The following BST1 variants were observed in gnomAD, a reference collection of about 807,000 sequenced individuals.
The protein encoded by BST1 is bone marrow stromal cell antigen 1.
Under a neutral mutation model 40.6 loss-of-function variants are expected in BST1, and 49 were observed. That is an observed-to-expected ratio of 1.21 (90% CI 0.96 to 1.53). BST1 has a LOEUF of 1.53. BST1 is among the 40% of genes most tolerant of loss of function. BST1 has a pLI of 0.00. For synonymous variants in BST1, 157 were observed against 159.3 expected (o/e 0.99, Z 0.11); for missense variants, 423 against 395.9 (o/e 1.07, Z -0.58).
the BST1 span, among the ~76,000 whole-genome samples, chr4:15,761,274 T>C: frequency 2.0e-5 from 3 of 151,920 alleles, no homozygotes; most frequent in African/African-American, 7.3e-5. Flanking sequence ...AAATTGGCAA[T>C]TGCTGTTTGT....
At chr4:15,772,614 G>A in the BST1 span, among the ~76,000 whole-genome samples, 4 of 152,232 alleles carry the variant, frequency 2.6e-5, no homozygotes, top group Non-Finnish European at 5.9e-5. Flanking sequence ...CAGAGCCTCT[G>A]AGATGGGTAT....
chr4:15,730,984 C>G, intron 8 of BST1: 1 of 514,350 alleles, frequency 1.9e-6, no homozygotes, highest in South Asian at 2.4e-5. Flanking sequence ...CTGGGGCTTG[C>G]CTATGGTGCT....
At chr4:15,745,964 C>T in the BST1 span, among the ~76,000 whole-genome samples, 1 of 152,186 alleles carries the variant, frequency 6.6e-6, no homozygotes, top group Non-Finnish European at 1.5e-5. Context: ...GGTTAAGGTT[C>T]TTTTAGACTA....
At chr4:15,705,288 A>T (rs1719816481) in intron 1 of BST1, among the ~76,000 whole-genome samples, 1 of 151,940 alleles carries the variant, frequency 6.6e-6, no homozygotes, top group Non-Finnish European at 1.5e-5. Context: ...GCAAGGCTGT[A>T]TTCCTTAGCT....
chr4:15,770,319 G>A, the BST1 span, among the ~76,000 whole-genome samples: 12 of 152,196 alleles, frequency 7.9e-5, no homozygotes, highest in South Asian at 2.1e-4. Flanking sequence ...TCTCCCCGCC[G>A]TTCTGTTTAT....
At chr4:15,705,173 A>G (rs1719808206) in intron 1 of BST1, among the ~76,000 whole-genome samples, 1 of 151,854 alleles carries the variant, frequency 6.6e-6, no homozygotes, top group South Asian at 2.1e-4. Flanking sequence ...GGACTATGAG[A>G]CTGGCCCCAC....
chr4:15,752,787 G>A, the BST1 span, among the ~76,000 whole-genome samples: 1 of 152,122 alleles, frequency 6.6e-6, no homozygotes, highest in Non-Finnish European at 1.5e-5. Flanking sequence ...GAAGAAAATA[G>A]GCCAGATCAG....
downstream of BST1, chr4:15,736,055 C>T: frequency 7.8e-7 from 1 of 1,286,850 alleles, no homozygotes; most frequent in South Asian, 1.2e-5. Context: ...ATTTATAGAC[C>T]CAAGAGGCTA....
downstream of BST1, among the ~76,000 whole-genome samples, chr4:15,741,578 G>A (rs1721744654): frequency 6.6e-6 from 1 of 152,160 alleles, no homozygotes; most frequent in Non-Finnish European, 1.5e-5. Context: ...GCCCATAGCA[G>A]GGGCCCATTC....
chr4:15,704,774 C>A (rs1297745174), intron 1 of BST1: 1 of 646,484 alleles, frequency 1.5e-6, no homozygotes. Flanking sequence ...AATTTCAGAT[C>A]CCCTAAATCT....
intron 6 of BST1, among the ~76,000 whole-genome samples, chr4:15,716,620 A>G (rs564236198): frequency 3.3e-4 from 50 of 152,342 alleles, no homozygotes; most frequent in African/African-American, 1.1e-3. Flanking sequence ...CCCGTCTCTT[A>G]GGCAATAGAT....
Position 15,721,220 on chromosome 4 carries a change from ACTC to A in BST1, c.792-1652_792-1650del, listed in dbSNP as rs1178249481. Among the ~76,000 whole-genome samples the A allele has an allele frequency of 2.0e-5, 3 of 151,824 alleles. No individual in the cohort carries two copies. In the East Asian group the frequency reaches 5.8e-4, roughly 29 times the overall value. On this transcript the variant is annotated intron_variant, in intron 7 of 8. Transcript: ENST00000265016. ...TCCAACTCCAACCCAGATGTGAGAA[ACTC>A]CTGCCCCTCACAATTCAGGTGGCAT... is the stretch of plus-strand genomic sequence containing the variant.
At chr4:15,740,675 T>C (rs908766961), downstream of BST1, among the ~76,000 whole-genome samples, 2 of 152,136 alleles carry the variant, frequency 1.3e-5, no homozygotes, top group African/African-American at 4.8e-5. Context: ...ATAACAAATA[T>C]TTGACAGCAG....
At chr4:15,755,985 G>A in the BST1 span, among the ~76,000 whole-genome samples, 40 of 152,242 alleles carry the variant, frequency 2.6e-4, no homozygotes, top group Middle Eastern at 3.4e-3. Flanking sequence ...TGATGTTAAG[G>A]TTCTCAAGGT....
At chr4:15,718,550 G>A (rs1000094008) in intron 6 of BST1, among the ~76,000 whole-genome samples, 2 of 152,132 alleles carry the variant, frequency 1.3e-5, no homozygotes, top group African/African-American at 4.8e-5. Flanking sequence ...AGTGTAGGGT[G>A]AACAAATTGG....
chr4:15,715,183 T>A (rs1012213829), intron 4 of BST1, 102 bp from the exon 5 acceptor site: 4 of 1,050,206 alleles, frequency 3.8e-6, no homozygotes, highest in Non-Finnish European at 5.7e-6. Flanking sequence ...ATTTATCATA[T>A]CCTTGCCATT....
At chr4:15,722,214 T>G (rs1720845575) in intron 7 of BST1, among the ~76,000 whole-genome samples, 1 of 152,228 alleles carries the variant, frequency 6.6e-6, no homozygotes, top group South Asian at 2.1e-4. Flanking sequence ...GGCCCTAGAG[T>G]CAGCCTGCAT....
At position 15,711,881 on chromosome 4, in the gene BST1, T is replaced by C; in HGVS notation, c.526T>C (p.Ser176Pro). ...NPVDSFWKRASIQYSKDSSGV... is the reference protein window; with the variant it reads ...NPVDSFWKRAPIQYSKDSSGV... ...TGTGGATTCCTTTTGGAAAAGGGCA[T>C]CCATCCAGGTAATGCTGGGATGATA... The change falls in exon 4 of 9, where the codon TCC becomes CCC. Residue 176 changes from serine (S) to proline (P), a missense_variant. Coordinates refer to ENST00000265016, the MANE Select transcript of BST1 (RefSeq NM_004334.3). 1 of 1,613,240 alleles carries C rather than the reference T, an allele frequency of 6.2e-7. No homozygotes were observed. Among genetic ancestry groups the C allele is most frequent in the Non-Finnish European group, 8.5e-7 (1 of 1,179,202 alleles).
intron 1 of BST1, chr4:15,704,887 T>C (rs772431464): frequency 6.6e-6 from 5 of 756,330 alleles, no homozygotes; most frequent in Admixed American, 1.8e-5. Flanking sequence ...ATGTCTTTCT[T>C]GTGCTGATCA....
Sources: gnomAD v4.1 joint callset for allele counts (sites outside exome capture counted in the v4.1 genomes callset) on GRCh38, gnomAD v4.1.1 for gene constraint, MANE v1.5 for transcripts, NCBI Gene and HGNC (gene_info 2026-07-23, HGNC 2026-07-21) for gene names.